Variants in HERC1 observed in about 807,000 individuals in gnomAD.
HERC1 encodes the protein probable E3 ubiquitin-protein ligase HERC1.
Under a neutral mutation model 554.3 loss-of-function variants are expected in HERC1, and 160 were observed. The ratio of observed to expected loss-of-function variants is 0.29; its 90% CI spans 0.25 to 0.33. HERC1 has a LOEUF of 0.33. Among genes scored for constraint, HERC1 ranks in the 10% least tolerant of loss-of-function variants. The probability of loss-of-function intolerance (pLI) is 1.00; values close to 1 mark genes in which losing one functional copy is unlikely to be tolerated. For synonymous variants in HERC1, 2,175 were observed against 2,131.7 expected (o/e 1.02, Z -0.56); for missense variants, 4,919 against 5,918.5 (o/e 0.83, Z 5.54).
intron 33 of HERC1, among the ~76,000 whole-genome samples, chr15:63,689,070 A>C (rs988463743): frequency 2.0e-5 from 3 of 152,226 alleles, no homozygotes; most frequent in South Asian, 2.1e-4. Flanking sequence ...AAGGCAAGGT[A>C]AAAGTGGCAC....
intron 24 of HERC1, among the ~76,000 whole-genome samples, chr15:63,707,760 C>G (rs1224390112): frequency 5.9e-5 from 9 of 151,762 alleles, no homozygotes; most frequent in Non-Finnish European, 1.3e-4. Flanking sequence ...GAAACCCCAT[C>G]TCCACTAAAA....
chr15:63,611,163 G>C (rs1298775618), intron 77 of HERC1, among the ~76,000 whole-genome samples: 3 of 152,186 alleles, frequency 2.0e-5, no homozygotes, highest in Admixed American at 2.0e-4. Context: ...AAAACAGCCT[G>C]GTCTACTGGG....
At chr15:63,619,866 C>G (rs1247247069) in intron 74 of HERC1, among the ~76,000 whole-genome samples, 1 of 151,944 alleles carries the variant, frequency 6.6e-6, no homozygotes, top group Non-Finnish European at 1.5e-5. Context: ...TTTATTGCGT[C>G]TATTTGATTC....
At position 63,678,203 on chromosome 15, in the gene HERC1, T is replaced by C. The variant is rs762358518; in HGVS notation, c.6712A>G (p.Met2238Val). Residue 2238 changes from methionine (M) to valine (V), a missense_variant, in exon 37 of 78, where the codon ATG (methionine) becomes GTG (valine). Met to Val is a conservative substitution (Grantham distance 21). This residue lies in a region of HERC1 where 1,963 missense variants were observed against 2,228.6 expected (regional missense o/e 0.88). Coordinates refer to ENST00000443617, the MANE Select transcript of HERC1 (RefSeq NM_003922.4). ...ATCTTAATTTTGTGAAGCCTTTCCA[T>C]CATTTTTTTGTTAATGCAGTAAGTC... ...RWTYCINKKM[M>V]ERLHKIKICI... 5.6e-6 allele frequency: 9 copies of C among 1,613,964 alleles called. No individual in the cohort carries two copies. In the South Asian group the frequency reaches 9.9e-5, roughly 18 times the overall value.
At chr15:63,626,281 T>C (rs958862196) in intron 70 of HERC1, 127 bp from the exon 71 acceptor site, 4 of 838,408 alleles carry the variant, frequency 4.8e-6, no homozygotes, top group African/African-American at 1.7e-5. Context: ...CAAACCTCTA[T>C]CCATCGATTC....
chr15:63,809,329 A>G (rs993978137), intron 1 of HERC1, among the ~76,000 whole-genome samples: 8 of 152,230 alleles, frequency 5.3e-5, no homozygotes, highest in African/African-American at 1.9e-4. Context: ...TGTTAATTTT[A>G]ATAAAGGTAT....
intron 65 of HERC1, 136 bp from the exon 66 acceptor site, chr15:63,635,024 C>T (rs1006540631): frequency 2.0e-5 from 12 of 591,034 alleles, no homozygotes; most frequent in East Asian, 6.3e-5. Flanking sequence ...AAGACCAATG[C>T]TTTTAAAAAT....
At chr15:63,622,729 A>G in intron 74 of HERC1, 86 bp downstream of exon 74, 1 of 997,432 alleles carries the variant, frequency 1.0e-6, no homozygotes, top group African/African-American at 1.7e-5. Context: ...CACTTAAAAC[A>G]GGACCTGGTA....
intron 69 of HERC1, 28 bp downstream of exon 69, chr15:63,630,438 G>T: frequency 6.3e-7 from 1 of 1,594,010 alleles, no homozygotes; most frequent in Non-Finnish European, 8.5e-7. Flanking sequence ...TAGAATATGA[G>T]AAAGCAGCAA....
At chr15:63,686,225 A>T (rs1305463451) in intron 34 of HERC1, 134 bp downstream of exon 34, 3 of 620,450 alleles carry the variant, frequency 4.8e-6, no homozygotes, top group Non-Finnish European at 8.2e-6. Flanking sequence ...GTTTCCATTT[A>T]TATTATCTTA....
intron 1 of HERC1, among the ~76,000 whole-genome samples, chr15:63,785,291 G>T (rs1290717267): frequency 6.6e-6 from 1 of 152,042 alleles, no homozygotes; most frequent in Admixed American, 6.6e-5. Flanking sequence ...GGGCATGGTG[G>T]TACACGACTG....
intron 2 of HERC1, among the ~76,000 whole-genome samples, chr15:63,773,421 GT>G (rs2076010090): frequency 7.0e-6 from 1 of 142,576 alleles, no homozygotes; most frequent in Non-Finnish European, 1.5e-5. Flanking sequence ...TCCCGCCTGG[GT>G]GACAAGAGCT....
chr15:63,756,819 A>G lies in HERC1; in HGVS notation c.1222-71T>C. The G allele has an allele frequency of 2.1e-6, 2 of 963,464 alleles. No homozygotes were observed. The highest frequency in any genetic ancestry group is 3.3e-5 in the African/African-American group (2 of 60,776). The allele number at this position is 963,464 out of a possible 1,614,324, so 59.7% of individuals were successfully genotyped here. Reference sequence around the variant, plus strand: ...AAGTATAATATTTAAGGCTGGTTTTATCAAAGAGCCTCAAAGGAAGTCTTT... The same window carrying G: ...AAGTATAATATTTAAGGCTGGTTTTGTCAAAGAGCCTCAAAGGAAGTCTTT... On this transcript the variant is annotated intron_variant, in intron 4 of 77. Coordinates refer to ENST00000443617, the MANE Select transcript of HERC1 (RefSeq NM_003922.4). The surrounding 1 kb of genome is among the most constrained non-coding windows in gnomAD (Gnocchi z 5.0).
Position 63,727,526 on chromosome 15 carries a change from GT to G in HERC1, c.3346+120del. ...AATTTGAAAAGCTTTTAAGATTTCAGTGATGAAATTCCTTTGATAGCCTTAG... is the reference window on the plus strand; with the variant it reads ...AATTTGAAAAGCTTTTAAGATTTCAGGATGAAATTCCTTTGATAGCCTTAG... On this transcript the variant is annotated intron_variant, in intron 17 of 77. Coordinates refer to ENST00000443617, the MANE Select transcript of HERC1 (RefSeq NM_003922.4). This position sits in a 1 kb window ranked among gnomAD's most constrained non-coding sequence, Gnocchi z 4.3. The G allele has an allele frequency of 1.6e-6, 1 of 628,368 alleles. No homozygotes were observed. Among genetic ancestry groups the G allele is most frequent in the Non-Finnish European group, 2.7e-6 (1 of 374,234 alleles). 38.9% of individuals were successfully genotyped at this position (628,368 alleles called of 1,614,324 possible).
intron 25 of HERC1, among the ~76,000 whole-genome samples, chr15:63,700,274 T>C (rs1283782470): frequency 6.6e-6 from 1 of 152,132 alleles, no homozygotes; most frequent in Non-Finnish European, 1.5e-5. Context: ...GTTCATTTAT[T>C]TGATTGCTGT....
At chr15:63,628,026 G>A (rs1384504171) in intron 70 of HERC1, among the ~76,000 whole-genome samples, 1 of 152,194 alleles carries the variant, frequency 6.6e-6, no homozygotes, top group East Asian at 1.9e-4. Flanking sequence ...TTGACAAATG[G>A]TCTCAGGGCT....
rs4332694 is a variant in HERC1, at chr15:63,669,740, C to T, written c.8046-42G>A. On this transcript the variant is annotated intron_variant, in intron 39 of 77. Transcript: ENST00000443617. ...GTGGTTAGCATAAAAATCCAATTTACGAAATAATACATACATCACAATCTT... is the reference window on the plus strand; with the variant it reads ...GTGGTTAGCATAAAAATCCAATTTATGAAATAATACATACATCACAATCTT... 3.2e-4 allele frequency: 495 copies of T among 1,543,522 alleles called. 1 individual carries two copies. In the African/African-American group the frequency reaches 5.7e-3, roughly 18 times the overall value.
intron 1 of HERC1, among the ~76,000 whole-genome samples, chr15:63,806,083 G>A (rs1371461550): frequency 6.6e-6 from 1 of 151,430 alleles, no homozygotes; most frequent in Non-Finnish European, 1.5e-5. Context: ...ACCACTTCCT[G>A]TTCATTGCTA....
At chr15:63,725,570 T>C in intron 17 of HERC1, 57 bp from the exon 18 acceptor site, 1 of 1,396,772 alleles carries the variant, frequency 7.2e-7, no homozygotes, top group South Asian at 1.2e-5. Flanking sequence ...AGATTCAAAA[T>C]ATTTCTCATA....
Sources: allele counts gnomAD v4.1 joint callset (sites outside exome capture counted in the v4.1 genomes callset), GRCh38; gene constraint gnomAD v4.1.1; regional missense constraint gnomAD v4.1.1; non-coding constraint Gnocchi (gnomAD v3.1); transcripts MANE v1.5; gene names NCBI Gene and HGNC (gene_info 2026-07-23, HGNC 2026-07-21).